CDK7: variants seen among roughly 807,000 people sequenced by gnomAD.
CDK7 encodes the protein cyclin dependent kinase 7.
CDK7 carries 25 observed loss-of-function variants against 49.1 expected under a neutral mutation model. The ratio of observed to expected loss-of-function variants is 0.51; its 90% CI spans 0.37 to 0.71. The LOEUF (loss-of-function observed/expected upper bound fraction) is 0.71, where lower values mean the gene tolerates loss of function less well. Ranked by LOEUF, CDK7 falls within the 30% of genes least tolerant of loss-of-function variation. The probability of loss-of-function intolerance (pLI) is 0.00; values close to 1 mark genes in which losing one functional copy is unlikely to be tolerated. For synonymous variants in CDK7, 107 were observed against 140.0 expected (o/e 0.76, Z 1.67); for missense variants, 316 against 411.7 (o/e 0.77, Z 2.01).
At chr5:69,239,211 A>G (rs1400688425) in intron 2 of CDK7, among the ~76,000 whole-genome samples, 1 of 152,174 alleles carries the variant, frequency 6.6e-6, no homozygotes, top group Non-Finnish European at 1.5e-5. Flanking sequence ...GGACCAGTTT[A>G]CTGTCCCACC....
At chr5:69,269,758 T>TTA (rs1751405673) in intron 9 of CDK7, among the ~76,000 whole-genome samples, 2 of 150,892 alleles carry the variant, frequency 1.3e-5, no homozygotes, top group African/African-American at 4.9e-5. Context: ...ATTATTATTA[T>TTA]TTTTTTTAAT....
intron 2 of CDK7, among the ~76,000 whole-genome samples, chr5:69,252,007 C>T (rs894396482): frequency 1.3e-5 from 2 of 152,022 alleles, no homozygotes; most frequent in South Asian, 2.1e-4. Context: ...AATGTGGTGT[C>T]TAAGAGCATA....
rs547821240 is a variant in CDK7, at chr5:69,270,228, G to T, written c.714+935G>T. ...AGGTAAATGGGTCACTTGAGCCCAG[G>T]AGTTTAAGACCAGCCTGGGCAACAT... On this transcript the variant is annotated intron_variant, in intron 9 of 11. Coordinates refer to ENST00000256443, the MANE Select transcript of CDK7 (RefSeq NM_001799.4). 2.0e-5 allele frequency among the ~76,000 whole-genome samples: 3 copies of T among 152,258 alleles called. No homozygotes were observed. The East Asian group carries it at 5.8e-4, about 29-fold the overall frequency.
chr5:69,277,110 G>C lies in CDK7; in HGVS notation c.1016G>C (p.Gly339Ala), dbSNP rs1053622317. The C allele has an allele frequency of 1.3e-6, 2 of 1,595,872 alleles. No homozygotes were observed. Among genetic ancestry groups the C allele is most frequent in the African/African-American group, 2.7e-5 (2 of 74,134 alleles). The change falls in exon 12 of 12, where the codon GGA becomes GCA. Residue 339 changes from glycine to alanine, a missense_variant. Transcript: ENST00000256443. ...TCTTGTTCTTTTTGCTTCCTAGGAG[G>C]ATTGCCCAAGAAACTAATTTTTTAA... ...RKRTEALEQG[G>A]LPKKLIF
intron 11 of CDK7, 62 bp from the exon 12 acceptor site, chr5:69,277,045 G>A (rs1752224132): frequency 1.4e-6 from 2 of 1,404,584 alleles, no homozygotes; most frequent in Non-Finnish European, 9.8e-7. Flanking sequence ...AAATTGCTAT[G>A]AGAATGTGAA....
At chr5:69,247,793 T>A (rs570445832) in intron 2 of CDK7, among the ~76,000 whole-genome samples, 1 of 152,284 alleles carries the variant, frequency 6.6e-6, no homozygotes, top group Admixed American at 6.5e-5. Context: ...GCAAATAATA[T>A]AACCCATTAT....
intron 10 of CDK7, among the ~76,000 whole-genome samples, chr5:69,274,691 C>G (rs1291467113): frequency 6.6e-6 from 1 of 151,942 alleles, no homozygotes; most frequent in Non-Finnish European, 1.5e-5. Flanking sequence ...TCTTGACTCA[C>G]TGCAACCTCT....
intron 2 of CDK7, among the ~76,000 whole-genome samples, chr5:69,242,860 A>C (rs964648727): frequency 1.3e-5 from 2 of 152,170 alleles, no homozygotes; most frequent in African/African-American, 4.8e-5. Flanking sequence ...AGCCTGACCA[A>C]CATGGGGAAA....
chr5:69,235,083 GC>G, intron 1 of CDK7, 42 bp downstream of exon 1: 1 of 1,534,568 alleles, frequency 6.5e-7, no homozygotes, highest in South Asian at 1.2e-5. Context: ...CAAGCGGACA[GC>G]CCCGCGCCGC....
At position 69,276,681 on chromosome 5, in the gene CDK7, T is replaced by C. The variant is rs1244334689; in HGVS notation, c.1003T>C (p.Leu335=). Residue 335 remains leucine (L), a synonymous_variant, in exon 11 of 12, where the codon TTA becomes CTA. Transcript: ENST00000256443. ...AATAAAAAGGAAAAGAACAGAGGCC[T>C]TAGAACAAGGTAAGATTCCCACTTT... The part of the protein sequence containing the change: ...LAIKRKRTEA[L]EQGGLPKKLI... 2 of 1,613,208 alleles carry C rather than the reference T, an allele frequency of 1.2e-6. No homozygotes were observed. Among genetic ancestry groups the C allele is most frequent in the Non-Finnish European group, 1.7e-6 (2 of 1,179,762 alleles).
intron 5 of CDK7, among the ~76,000 whole-genome samples, chr5:69,257,809 A>C (rs937587435): frequency 2.6e-5 from 4 of 152,202 alleles, no homozygotes; most frequent in Non-Finnish European, 5.9e-5. Flanking sequence ...GGTGTTTGCT[A>C]CTTTCATGCG....
chr5:69,265,064 C>A (rs1424828660), intron 8 of CDK7, among the ~76,000 whole-genome samples: 1 of 151,732 alleles, frequency 6.6e-6, no homozygotes, highest in Non-Finnish European at 1.5e-5. Flanking sequence ...GAGATAGAGA[C>A]CATCCTGGCT....
At chr5:69,260,407 T>C (rs1222416555) in intron 7 of CDK7, among the ~76,000 whole-genome samples, 1 of 152,148 alleles carries the variant, frequency 6.6e-6, no homozygotes, top group Admixed American at 6.6e-5. Context: ...TAGGTATACT[T>C]TACCACGATG....
In CDK7 at chr5:69,277,129, T is replaced by G; in HGVS notation, c.1035T>G (p.Ile345Met). The change falls in exon 12 of 12, where the codon ATT becomes ATG. Residue 345 changes from isoleucine to methionine, a missense_variant. By Grantham distance (10) the Ile-to-Met change is conservative. Coordinates refer to ENST00000256443, the MANE Select transcript of CDK7 (RefSeq NM_001799.4). ...TAGGAGGATTGCCCAAGAAACTAAT[T>G]TTTTAAAGAGAACACTGGACAACAT... Reference protein sequence around the residue: ...LEQGGLPKKLIF With the variant: ...LEQGGLPKKLMF 1 of 1,599,944 alleles carries G rather than the reference T, an allele frequency of 6.3e-7. No individual in the cohort carries two copies. Among genetic ancestry groups the G allele is most frequent in the Non-Finnish European group, 8.5e-7 (1 of 1,174,692 alleles).
At chr5:69,243,411 T>C (rs1215257938) in intron 2 of CDK7, among the ~76,000 whole-genome samples, 1 of 152,258 alleles carries the variant, frequency 6.6e-6, no homozygotes, top group African/African-American at 2.4e-5. Flanking sequence ...TTCCTCATTG[T>C]ATGTTATTGG....
intron 9 of CDK7, among the ~76,000 whole-genome samples, chr5:69,270,900 A>G (rs567713694): frequency 5.9e-5 from 9 of 152,332 alleles, no homozygotes; most frequent in African/African-American, 1.9e-4. Context: ...GTTGTTTCCA[A>G]TGTGGGGCTA....
intron 10 of CDK7, among the ~76,000 whole-genome samples, chr5:69,275,914 A>G (rs1752084598): frequency 6.6e-6 from 1 of 152,248 alleles, no homozygotes; most frequent in African/African-American, 2.4e-5. Context: ...TACGTCATGT[A>G]TATGCAAATA....
chr5:69,276,391 A>AT, intron 10 of CDK7, 152 bp from the exon 11 acceptor site: 1 of 669,228 alleles, frequency 1.5e-6, no homozygotes. Context: ...AGTAATTTCC[A>AT]TTTGCAAATA....
At chr5:69,245,004 G>C (rs1749643210) in intron 2 of CDK7, among the ~76,000 whole-genome samples, 1 of 152,050 alleles carries the variant, frequency 6.6e-6, no homozygotes, top group Non-Finnish European at 1.5e-5. Flanking sequence ...AGCATATGTT[G>C]AACCATCCTT....
Sources: gnomAD v4.1 joint callset for allele counts (sites outside exome capture counted in the v4.1 genomes callset) on GRCh38, gnomAD v4.1.1 for gene constraint, MANE v1.5 for transcripts, NCBI Gene and HGNC (gene_info 2026-07-23, HGNC 2026-07-21) for gene names.